Variants in ZNF431 observed in about 807,000 individuals in gnomAD.
ZNF431 encodes the protein zinc finger protein 431.
Under a neutral mutation model 57.0 loss-of-function variants are expected in ZNF431, and 34 were observed. The observed-to-expected ratio is 0.60, with a 90% CI of 0.45 to 0.79. The LOEUF (loss-of-function observed/expected upper bound fraction) is 0.79, where lower values mean the gene tolerates loss of function less well. Among genes scored for constraint, ZNF431 ranks in the 30% least tolerant of loss-of-function variants. The probability of loss-of-function intolerance (pLI) is 0.00; values close to 1 mark genes in which losing one functional copy is unlikely to be tolerated. For synonymous variants in ZNF431, 207 were observed against 220.3 expected (o/e 0.94, Z 0.54); for missense variants, 607 against 667.1 (o/e 0.91, Z 0.99).
rs1297317412 is a variant in ZNF431, at chr19:21,186,712, T to C, written c.*2678T>C. On this transcript the variant is annotated 3_prime_UTR_variant, in exon 5 of 5. Coordinates refer to ENST00000311048, the MANE Select transcript of ZNF431 (RefSeq NM_133473.4). Reference sequence around the variant, plus strand: ...TGTTTCTTACATTTTTTTTGTTTTATATTTTATGAAGTATTCATTATGTGA... The same window carrying C: ...TGTTTCTTACATTTTTTTTGTTTTACATTTTATGAAGTATTCATTATGTGA... 6.6e-6 allele frequency: 1 copy of C among 152,210 alleles called. No individual in the cohort carries two copies. The highest frequency in any genetic ancestry group is 1.9e-4 in the East Asian group (1 of 5,204). The allele number at this position is 152,210 out of a possible 1,614,324, so 9.4% of individuals were successfully genotyped here. A position where few individuals can be genotyped will look rare whatever the true frequency, so the allele number is the denominator to read the frequency against.
intron 4 of ZNF431, among the ~76,000 whole-genome samples, chr19:21,173,819 G>A (rs1408630918): frequency 6.6e-6 from 1 of 151,914 alleles, no homozygotes; most frequent in African/African-American, 2.4e-5. Flanking sequence ...GAGCCACCAC[G>A]CCTGGCCTCA....
chr19:21,160,220 G>T (rs1463228777), intron 2 of ZNF431, among the ~76,000 whole-genome samples: 1 of 152,106 alleles, frequency 6.6e-6, no homozygotes, highest in East Asian at 1.9e-4. Flanking sequence ...TGCATTGTGA[G>T]ATGTCAACAT....
intron 2 of ZNF431, among the ~76,000 whole-genome samples, chr19:21,159,481 G>A (rs576335186): frequency 3.0e-4 from 45 of 152,074 alleles, no homozygotes; most frequent in South Asian, 1.5e-3. Context: ...CAAGTGATTC[G>A]CCTGCCTCAG....
chr19:21,175,351 T>C (rs1482805645), intron 4 of ZNF431: 1 of 672,384 alleles, frequency 1.5e-6, no homozygotes, highest in Non-Finnish European at 2.7e-6. Context: ...TTAAGTAATT[T>C]AACTAATTTT....
At chr19:21,150,259 A>G (rs1970233213) in intron 2 of ZNF431, 2 of 507,078 alleles carry the variant, frequency 3.9e-6, no homozygotes, top group South Asian at 1.7e-5. Context: ...TGCTGCTGCA[A>G]CCTGATATAG....
chr19:21,181,513 C>T (rs868212048), intron 4 of ZNF431, among the ~76,000 whole-genome samples: 7 of 151,938 alleles, frequency 4.6e-5, no homozygotes, highest in African/African-American at 1.7e-4. Context: ...GCTCCATTCT[C>T]TTCTTGTCTG....
rs940842995 is a variant in ZNF431, at chr19:21,188,340, A to G, written c.*4306A>G. 6.6e-6 allele frequency: 1 copy of G among 151,894 alleles called. No individual in the cohort carries two copies. Among genetic ancestry groups the G allele is most frequent in the Non-Finnish European group, 1.5e-5 (1 of 67,990 alleles). 9.4% of individuals were successfully genotyped at this position (151,894 alleles called of 1,614,324 possible). A position where few individuals can be genotyped will look rare whatever the true frequency, so the allele number is the denominator to read the frequency against. On this transcript the variant is annotated 3_prime_UTR_variant, in exon 5 of 5. Transcript: ENST00000311048. ...TAGTCAGCTTTGTTTTTAAAAGAAAAATCTTACTAGATTCTTATACAAAGT... is the reference window on the plus strand; with the variant it reads ...TAGTCAGCTTTGTTTTTAAAAGAAAGATCTTACTAGATTCTTATACAAAGT...
chr19:21,157,242 A>G (rs773668922), intron 2 of ZNF431, among the ~76,000 whole-genome samples: 9 of 152,052 alleles, frequency 5.9e-5, no homozygotes, highest in Non-Finnish European at 1.3e-4. Flanking sequence ...GGTTCAAGCA[A>G]TTCTCCTGCT....
chr19:21,159,311 G>T lies in ZNF431; in HGVS notation c.97-7024G>T, dbSNP rs1042343945. On this transcript the variant is annotated intron_variant, in intron 2 of 4. Transcript: ENST00000311048. ...TTATCTCTGCCAGGTTTTGGTATCAGAATTCTATATAGAATTATGATATAT... is the reference window on the plus strand; with the variant it reads ...TTATCTCTGCCAGGTTTTGGTATCATAATTCTATATAGAATTATGATATAT... Among the ~76,000 whole-genome samples, 8 of 151,944 alleles carry T rather than the reference G, an allele frequency of 5.3e-5. No homozygotes were observed. In the East Asian group the frequency reaches 7.7e-4, roughly 15 times the overall value.
Position 21,189,355 on chromosome 19 carries a change from A to G in ZNF431, c.*5321A>G, listed in dbSNP as rs1312890621. 6.6e-6 allele frequency: 1 copy of G among 152,098 alleles called. No individual in the cohort carries two copies. The highest frequency in any genetic ancestry group is 1.5e-5 in the Non-Finnish European group (1 of 68,026). 9.4% of individuals were successfully genotyped at this position (152,098 alleles called of 1,614,324 possible). A position where few individuals can be genotyped will look rare whatever the true frequency, so the allele number is the denominator to read the frequency against. ...CAAAATAAGCAGCGTGTGGTGACAC[A>G]TGCCTGTAATCCAGCTACCCTGGAG... On this transcript the variant is annotated 3_prime_UTR_variant, in exon 5 of 5. Transcript: ENST00000311048.
rs769087224 is a variant in ZNF431, at chr19:21,182,708, C to T, written c.405C>T (p.Gly135=). The T allele has an allele frequency of 1.2e-6, 2 of 1,613,770 alleles. No individual in the cohort carries two copies. The highest frequency in any genetic ancestry group is 1.7e-5 in the Admixed American group (1 of 59,978). Reference sequence around the variant, plus strand: ...AACAAGTAATACTGAGAAGATATGGCAAATGTGAACATGAGAATTTACAGT... The same window carrying T: ...AACAAGTAATACTGAGAAGATATGGTAAATGTGAACATGAGAATTTACAGT... ...SFQQVILRRY[G]KCEHENLQLR... Residue 135 remains glycine (G), a synonymous_variant, in exon 5 of 5, where the codon GGC becomes GGT. Transcript: ENST00000311048.
chr19:21,150,116 TC>T, intron 2 of ZNF431: 1 of 637,634 alleles, frequency 1.6e-6, no homozygotes, highest in Admixed American at 2.0e-5. Flanking sequence ...CCTCTGCTTC[TC>T]CTCTTGCTTT....
chr19:21,195,839 A>G lies in ZNF431; in HGVS notation c.*11805A>G, dbSNP rs1352339444. 6.6e-6 allele frequency: 1 copy of G among 152,218 alleles called. No individual in the cohort carries two copies. Among genetic ancestry groups the G allele is most frequent in the African/African-American group, 2.4e-5 (1 of 41,454 alleles). The allele number at this position is 152,218 out of a possible 1,614,324, so 9.4% of individuals were successfully genotyped here. ...TGTGATACATCTTTGGATAATCTGT[A>G]ATTAAATTGATCTTTTGTAATGGTG... is the stretch of plus-strand genomic sequence containing the variant. On this transcript the variant is annotated 3_prime_UTR_variant, in exon 5 of 5. Transcript: ENST00000311048.
chr19:21,158,061 T>C (rs1970469164), intron 2 of ZNF431, among the ~76,000 whole-genome samples: 1 of 152,202 alleles, frequency 6.6e-6, no homozygotes, highest in Non-Finnish European at 1.5e-5. Context: ...AGTTATTTTT[T>C]AGTTAACAGC....
rs563567074 is a variant in ZNF431 at position 21,152,027 on chromosome 19, A to G, written c.96+8384A>G. On this transcript the variant is annotated intron_variant, in intron 2 of 4. Coordinates refer to ENST00000311048, the MANE Select transcript of ZNF431 (RefSeq NM_133473.4). ...CCACAGCCCCGTGGGCCAAGCCACA[A>G]CAAAAAGAAAAATTATCTTTTTCTG... Among the ~76,000 whole-genome samples, 98 of 152,342 alleles carry G rather than the reference A, an allele frequency of 6.4e-4. 1 individual carries two copies. The South Asian group carries it at 0.02, about 31-fold the overall frequency.
At chr19:21,178,437 A>T (rs950057150) in intron 4 of ZNF431, among the ~76,000 whole-genome samples, 1 of 151,980 alleles carries the variant, frequency 6.6e-6, no homozygotes, top group Non-Finnish European at 1.5e-5. Flanking sequence ...TATATCGGCT[A>T]TGGGTTTGTC....
chr19:21,183,332 C>T lies in ZNF431; in HGVS notation c.1029C>T (p.Pro343=), dbSNP rs1362287516. The change falls in exon 5 of 5, where the codon CCC becomes CCT. Residue 343 remains proline, a synonymous_variant. Coordinates refer to ENST00000311048, the MANE Select transcript of ZNF431 (RefSeq NM_133473.4). ...THKFIHAGEK[P]YKCEECDKAF... is the part of the protein sequence containing the mutation. ...AGTTCATTCATGCTGGAGAGAAACC[C>T]TACAAATGTGAGGAATGTGACAAAG... The T allele has an allele frequency of 2.5e-6, 4 of 1,613,420 alleles. No individual in the cohort carries two copies. The highest frequency in any genetic ancestry group is 1.7e-5 in the Admixed American group (1 of 59,950).
At chr19:21,152,811 C>T (rs1414717394) in intron 2 of ZNF431, among the ~76,000 whole-genome samples, 1 of 152,078 alleles carries the variant, frequency 6.6e-6, no homozygotes, top group Non-Finnish European at 1.5e-5. Flanking sequence ...TCCTTTGGGT[C>T]AGAGGTCTCT....
At chr19:21,171,165 A>T (rs972973219) in intron 4 of ZNF431, among the ~76,000 whole-genome samples, 9 of 151,172 alleles carry the variant, frequency 6.0e-5, no homozygotes, top group Non-Finnish European at 8.9e-5. Context: ...ATGCTTATTT[A>T]AAAAGTTTCT....
Sources: gnomAD v4.1 joint callset for allele counts (sites outside exome capture counted in the v4.1 genomes callset) on GRCh38, gnomAD v4.1.1 for gene constraint, MANE v1.5 for transcripts, NCBI Gene and HGNC (gene_info 2026-07-23, HGNC 2026-07-21) for gene names.